The following KLHL32 variants were observed in gnomAD, a reference collection of about 807,000 sequenced individuals.
The protein encoded by KLHL32 is kelch like family member 32, also known as kelch-like protein 32.
Under a neutral mutation model 64.8 loss-of-function variants are expected in KLHL32, and 35 were observed. That is an observed-to-expected ratio of 0.54 (90% CI 0.41 to 0.72). KLHL32 has a LOEUF of 0.72. KLHL32 is among the 30% of genes least tolerant of loss of function. KLHL32 has a pLI of 0.00. For missense variants in KLHL32, 589 were observed against 768.5 expected (o/e 0.77, Z 2.76); for synonymous variants, 259 against 281.0 (o/e 0.92, Z 0.78).
intron 10 of KLHL32, among the ~76,000 whole-genome samples, chr6:97,136,872 C>T (rs1800079196): frequency 6.6e-6 from 1 of 152,202 alleles, no homozygotes; most frequent in Non-Finnish European, 1.5e-5. Context: ...GGATGATTAT[C>T]TCATTAGTAT....
chr6:96,914,301 A>G, the KLHL32 span, among the ~76,000 whole-genome samples: 1 of 152,036 alleles, frequency 6.6e-6, no homozygotes, highest in African/African-American at 2.4e-5. Flanking sequence ...TCTGTACTTG[A>G]GATAATTTAT....
chr6:96,952,447 T>C (rs1772737948), intron 1 of KLHL32, among the ~76,000 whole-genome samples: 1 of 152,212 alleles, frequency 6.6e-6, no homozygotes, highest in Non-Finnish European at 1.5e-5. Context: ...TTGTGATGGC[T>C]GACTCCATCT....
Position 97,114,399 on chromosome 6 carries a change from C to T in KLHL32, c.1244C>T (p.Thr415Ile). ...GRNELRQVLPTVERYCPKKNK... is the reference protein window; with the variant it reads ...GRNELRQVLPIVERYCPKKNK... ...AATGAACTGCGCCAGGTTCTGCCTA[C>T]AGTTGAGCGATATTGCCCCAAGAAG... Residue 415 changes from threonine to isoleucine, a missense_variant, in exon 7 of 11, where the codon ACA (threonine) becomes ATA (isoleucine). Thr to Ile is a moderately conservative substitution (Grantham distance 89, BLOSUM62 -1). This residue lies in a region of KLHL32 where 226 missense variants were observed against 353.2 expected (regional missense o/e 0.64). Coordinates refer to ENST00000369261, the MANE Select transcript of KLHL32 (RefSeq NM_052904.4). 1.2e-6 allele frequency: 2 copies of T among 1,614,216 alleles called. No individual in the cohort carries two copies. Among genetic ancestry groups the T allele is most frequent in the Non-Finnish European group, 1.7e-6 (2 of 1,180,046 alleles).
At chr6:97,058,125 T>C (rs964177819) in intron 4 of KLHL32, among the ~76,000 whole-genome samples, 5 of 152,218 alleles carry the variant, frequency 3.3e-5, no homozygotes, top group African/African-American at 1.2e-4. Flanking sequence ...CTTTTGCCAA[T>C]GTCACACTGT....
intron 1 of KLHL32, among the ~76,000 whole-genome samples, chr6:96,953,341 G>C (rs1304991707): frequency 1.3e-5 from 2 of 152,112 alleles, no homozygotes; most frequent in Non-Finnish European, 2.9e-5. Flanking sequence ...TGAAAATTTA[G>C]GTTTCTTGCC....
chr6:97,111,229 T>A (rs1433889876), intron 6 of KLHL32, among the ~76,000 whole-genome samples: 1 of 152,208 alleles, frequency 6.6e-6, no homozygotes, highest in Non-Finnish European at 1.5e-5. Context: ...AAGAGAGAGA[T>A]GGCAGTGTTG....
the KLHL32 span, among the ~76,000 whole-genome samples, chr6:96,902,504 G>C: frequency 3.3e-5 from 5 of 152,146 alleles, no homozygotes; most frequent in Admixed American, 1.3e-4. Flanking sequence ...TTTGTCAGAT[G>C]CATGGATTGC....
chr6:97,079,299 A>G (rs1375820068), intron 5 of KLHL32, among the ~76,000 whole-genome samples: 2 of 152,174 alleles, frequency 1.3e-5, no homozygotes, highest in Non-Finnish European at 2.9e-5. Flanking sequence ...CACCGAGGCC[A>G]AGACTCCTCC....
At chr6:96,938,909 A>C (rs931067583) in intron 1 of KLHL32, among the ~76,000 whole-genome samples, 1 of 152,140 alleles carries the variant, frequency 6.6e-6, no homozygotes, top group Non-Finnish European at 1.5e-5. Context: ...ATGATATTCT[A>C]AAGTGAACTG....
chr6:96,921,097 ATTT>A (rs1768740639), upstream of KLHL32, among the ~76,000 whole-genome samples: 2 of 152,180 alleles, frequency 1.3e-5, no homozygotes, highest in Admixed American at 1.3e-4. Context: ...GAAAATTACA[ATTT>A]ATTTTTAAAT....
At chr6:97,018,780 A>G (rs1206097) in intron 3 of KLHL32, among the ~76,000 whole-genome samples, 13,744 of 152,272 alleles carry the variant, frequency 0.09, 680 homozygotes, top group Non-Finnish European at 0.12. Context: ...GGCCAAAGTA[A>G]CAATCTATCA....
In KLHL32 at chr6:97,137,242, A is replaced by C. The variant is rs536698919; in HGVS notation, c.1702-1879A>C. Among the ~76,000 whole-genome samples the C allele has an allele frequency of 7.3e-4, 111 of 152,354 alleles. 1 individual carries two copies. Among genetic ancestry groups the C allele is most frequent in the African/African-American group, 2.5e-3 (106 of 41,574 alleles). On this transcript the variant is annotated intron_variant, in intron 10 of 10. Transcript: ENST00000369261. Reference sequence around the variant, plus strand: ...AAGAATAATCAAGAAAATTTTGAAAATAAATGAGGAGTCTTGCCTTACCTA... The same window carrying C: ...AAGAATAATCAAGAAAATTTTGAAACTAAATGAGGAGTCTTGCCTTACCTA...
At chr6:96,972,392 C>A (rs1327271601) in intron 2 of KLHL32, among the ~76,000 whole-genome samples, 1 of 152,104 alleles carries the variant, frequency 6.6e-6, no homozygotes. Context: ...TGTATCCCTA[C>A]AATAGAGTAT....
chr6:97,116,651 T>A lies in KLHL32; in HGVS notation c.1354+2142T>A, dbSNP rs111340361. 2.4e-3 allele frequency among the ~76,000 whole-genome samples: 370 copies of A among 152,298 alleles called. 3 individuals carry two copies. The highest frequency in any genetic ancestry group is 8.4e-3 in the African/African-American group (349 of 41,550). On this transcript the variant is annotated intron_variant, in intron 7 of 10. Coordinates refer to ENST00000369261, the MANE Select transcript of KLHL32 (RefSeq NM_052904.4). The stretch of plus-strand genomic sequence containing the variant: ...GAATGCTGGGGTTTCCCTTACATAG[T>A]CTTAAAGATATGACGATTTAATACC...
chr6:96,950,497 C>T (rs1397878886), intron 1 of KLHL32, among the ~76,000 whole-genome samples: 3 of 136,624 alleles, frequency 2.2e-5, no homozygotes, highest in African/African-American at 5.4e-5. Context: ...TCAGTTGTCA[C>T]GTTAAAAAAA....
intron 3 of KLHL32, among the ~76,000 whole-genome samples, chr6:97,007,638 CTGT>C (rs567035856): frequency 2.5e-4 from 38 of 152,310 alleles, no homozygotes; most frequent in Middle Eastern, 3.4e-3. Flanking sequence ...CTTCAGGTTG[CTGT>C]CCTTTGGATG....
At chr6:96,963,233 T>C (rs537670705) in intron 1 of KLHL32, among the ~76,000 whole-genome samples, 16 of 152,298 alleles carry the variant, frequency 1.1e-4, no homozygotes, top group African/African-American at 3.8e-4. Flanking sequence ...ATCCTAGGAT[T>C]ATCAAAGGAA....
intron 3 of KLHL32, among the ~76,000 whole-genome samples, chr6:96,994,978 G>A (rs937566497): frequency 6.6e-6 from 1 of 152,172 alleles, no homozygotes; most frequent in African/African-American, 2.4e-5. Context: ...GCAAATAGTA[G>A]GCACTATTTT....
chr6:97,081,423 C>T (rs930811227), intron 5 of KLHL32, among the ~76,000 whole-genome samples: 1 of 152,100 alleles, frequency 6.6e-6, no homozygotes, highest in Non-Finnish European at 1.5e-5. Context: ...CATATGAAAG[C>T]CGTTTGCTCT....
Sources: allele counts gnomAD v4.1 joint callset (sites outside exome capture counted in the v4.1 genomes callset), GRCh38; gene constraint gnomAD v4.1.1; regional missense constraint gnomAD v4.1.1; transcripts MANE v1.5; gene names NCBI Gene and HGNC (gene_info 2026-07-23, HGNC 2026-07-21).